Variants in GRIA1 observed in about 807,000 individuals in gnomAD.
GRIA1 encodes glutamate ionotropic receptor AMPA type subunit 1, also known as glutamate receptor 1.
A neutral mutation model predicts 99.2 loss-of-function variants in GRIA1; 31 were observed. The observed-to-expected ratio is 0.31, with a 90% CI of 0.23 to 0.42. The LOEUF is 0.42. Among genes scored for constraint, GRIA1 ranks in the 10% least tolerant of loss-of-function variants. The pLI is 1.00. For synonymous variants in GRIA1, 438 were observed against 432.4 expected (o/e 1.01, Z -0.16); for missense variants, 782 against 1,157.5 (o/e 0.68, Z 4.71).
At chr5:153,711,494 G>GCCCT (rs1759313997) in intron 11 of GRIA1, among the ~76,000 whole-genome samples, 2 of 152,132 alleles carry the variant, frequency 1.3e-5, no homozygotes, top group African/African-American at 4.8e-5. Context: ...TTGGAAAACA[G>GCCCT]GGAACCACAG....
chr5:153,699,256 G>C (rs1220487136), intron 10 of GRIA1, among the ~76,000 whole-genome samples, 183 bp downstream of exon 10: 1 of 152,172 alleles, frequency 6.6e-6, no homozygotes, highest in Non-Finnish European at 1.5e-5. Context: ...TCAGGTTACT[G>C]GTCCCAGGTC....
intron 2 of GRIA1, among the ~76,000 whole-genome samples, chr5:153,533,824 G>A: frequency 6.6e-6 from 1 of 152,188 alleles, no homozygotes; most frequent in Non-Finnish European, 1.5e-5. Context: ...CACATCCCAT[G>A]CATAATCTCA....
intron 11 of GRIA1, among the ~76,000 whole-genome samples, chr5:153,763,837 G>A (rs1763339748): frequency 6.6e-6 from 1 of 152,072 alleles, no homozygotes; most frequent in Admixed American, 6.5e-5. Context: ...TTGGGTGAGT[G>A]GGGGAAAGAA....
chr5:153,676,916 C>T (rs1371798907), intron 6 of GRIA1, 78 bp from the exon 7 acceptor site: 16 of 1,205,110 alleles, frequency 1.3e-5, no homozygotes, highest in Non-Finnish European at 1.4e-5. Context: ...CCAGAAAACA[C>T]ATTCCCAAAT....
At chr5:153,758,561 T>C (rs754882249) in intron 11 of GRIA1, among the ~76,000 whole-genome samples, 1 of 152,014 alleles carries the variant, frequency 6.6e-6, no homozygotes, top group South Asian at 2.1e-4. Context: ...GTTAAATATG[T>C]AAGCAAATAT....
chr5:153,634,362 G>A (rs1195376962), intron 2 of GRIA1, among the ~76,000 whole-genome samples: 2 of 151,300 alleles, frequency 1.3e-5, no homozygotes, highest in Non-Finnish European at 1.5e-5. Context: ...GTATTTTAGA[G>A]AAGGCCTCTA....
chr5:153,605,869 A>C (rs566233015), intron 2 of GRIA1, among the ~76,000 whole-genome samples: 3 of 152,278 alleles, frequency 2.0e-5, no homozygotes, highest in Non-Finnish European at 4.4e-5. Flanking sequence ...TGTATGTTGC[A>C]AATATCTTCT....
chr5:153,796,138 C>A (rs1460007956), intron 14 of GRIA1, among the ~76,000 whole-genome samples: 3 of 151,112 alleles, frequency 2.0e-5, no homozygotes, highest in Admixed American at 2.0e-4. Context: ...GCAGGGTTCT[C>A]CATCCAGGTA....
At chr5:153,662,926 CTCT>C (rs889658918) in intron 5 of GRIA1, among the ~76,000 whole-genome samples, 3 of 152,162 alleles carry the variant, frequency 2.0e-5, no homozygotes, top group African/African-American at 4.8e-5. Context: ...TTCCAGTTTC[CTCT>C]TCTTCCTCCC....
chr5:153,588,455 C>G (rs1763687885), intron 2 of GRIA1, among the ~76,000 whole-genome samples: 1 of 152,180 alleles, frequency 6.6e-6, no homozygotes, highest in Non-Finnish European at 1.5e-5. Context: ...TGTAATTTAG[C>G]ATCAACTAAA....
chr5:153,789,863 G>A (rs926932121), intron 13 of GRIA1, among the ~76,000 whole-genome samples: 66 of 151,086 alleles, frequency 4.4e-4, no homozygotes, highest in African/African-American at 1.4e-3. Context: ...TGGTCAGCTC[G>A]ATGGTAATCA....
At chr5:153,611,084 CCA>C (rs1765944059) in intron 2 of GRIA1, among the ~76,000 whole-genome samples, 1 of 152,030 alleles carries the variant, frequency 6.6e-6, no homozygotes, top group Non-Finnish European at 1.5e-5. Flanking sequence ...TAGGATTTGC[CCA>C]CAGAGATTCT....
At chr5:153,490,074 C>CTT (rs796734929), upstream of GRIA1, among the ~76,000 whole-genome samples, 69 of 140,728 alleles carry the variant, frequency 4.9e-4, no homozygotes, top group African/African-American at 1.7e-3. Context: ...AGAGAGAAAG[C>CTT]TTTTTTTTTT....
intron 13 of GRIA1, among the ~76,000 whole-genome samples, chr5:153,783,447 C>T (rs1764766603): frequency 6.6e-6 from 1 of 152,180 alleles, no homozygotes; most frequent in African/African-American, 2.4e-5. Flanking sequence ...CTGTTGACAC[C>T]TGCTTCTCAC....
At chr5:153,776,306 G>T (rs958751056) in intron 13 of GRIA1, among the ~76,000 whole-genome samples, 12 of 152,206 alleles carry the variant, frequency 7.9e-5, no homozygotes, top group African/African-American at 2.9e-4. Flanking sequence ...GTTTGGAAAA[G>T]AAGTCTGTTA....
chr5:153,801,842 A>T (rs1259878132), intron 14 of GRIA1, among the ~76,000 whole-genome samples: 1 of 151,152 alleles, frequency 6.6e-6, no homozygotes, highest in African/African-American at 2.4e-5. Context: ...TTGAAATCGA[A>T]TGCACATCTA....
intron 2 of GRIA1, among the ~76,000 whole-genome samples, chr5:153,580,594 T>C (rs1762959751): frequency 6.6e-6 from 1 of 152,224 alleles, no homozygotes; most frequent in African/African-American, 2.4e-5. Context: ...TGTCCTAAAA[T>C]GGACATGAGG....
chr5:153,795,367 C>A, intron 14 of GRIA1: 1 of 651,692 alleles, frequency 1.5e-6, no homozygotes, highest in South Asian at 1.8e-5. Context: ...ATCACTTTGT[C>A]AGTGCATATG....
rs1199181409 is a variant in GRIA1, at chr5:153,794,820, C to T, written c.2385+85C>T. 3.1e-5 allele frequency: 24 copies of T among 770,268 alleles called. 1 individual carries two copies. The South Asian group carries it at 3.8e-4, about 12-fold the overall frequency. 47.7% of individuals were successfully genotyped at this position (770,268 alleles called of 1,614,324 possible). A position where few individuals can be genotyped will look rare whatever the true frequency, so the allele number is the denominator to read the frequency against. The stretch of plus-strand genomic sequence containing the variant: ...AGCAACTGTTCTCCCAATACCTATC[C>T]TGCTTCCTAATACTAAAAAGAAAAG... On this transcript the variant is annotated intron_variant, in intron 14 of 15. Coordinates refer to ENST00000285900, the MANE Select transcript of GRIA1 (RefSeq NM_000827.4).
Sources: gnomAD v4.1 joint callset for allele counts (sites outside exome capture counted in the v4.1 genomes callset) on GRCh38, gnomAD v4.1.1 for gene constraint, MANE v1.5 for transcripts, NCBI Gene and HGNC (gene_info 2026-07-23, HGNC 2026-07-21) for gene names.